The following RBFOX1 variants were observed in gnomAD, a reference collection of about 807,000 sequenced individuals.
RBFOX1 encodes the protein RNA binding protein fox-1 homolog 1.
A neutral mutation model predicts 57.7 loss-of-function variants in RBFOX1; 8 were observed. That is an observed-to-expected ratio of 0.14 (90% confidence interval 0.08 to 0.25). The LOEUF (loss-of-function observed/expected upper bound fraction) is 0.25, where lower values mean the gene tolerates loss of function less well. RBFOX1 is among the 10% of genes least tolerant of loss of function. RBFOX1 has a pLI of 1.00. For missense variants in RBFOX1, 611 were observed against 548.5 expected (o/e 1.11, Z -1.14); for synonymous variants, 326 against 222.4 (o/e 1.47, Z -4.15).
rs184802869 is a variant in RBFOX1, at chr16:5,351,007, A to G, written c.219+110902A>G. On this transcript the variant is annotated intron_variant, in intron 1 of 2. Transcript: ENST00000585867. ...TTAGCTACTCTCAGTGTTTGTGCTG[A>G]AGGCAATCGTTCACCCACCCACGAA... Among the ~76,000 whole-genome samples, 297 of 152,236 alleles carry G rather than the reference A, an allele frequency of 2.0e-3. 4 individuals carry two copies. In the Middle Eastern group the frequency reaches 0.02, roughly 10 times the overall value.
At chr16:6,805,323 G>T (rs144587310) in intron 3 of RBFOX1, among the ~76,000 whole-genome samples, 1 of 152,318 alleles carries the variant, frequency 6.6e-6, no homozygotes, top group African/African-American at 2.4e-5. Context: ...TCACTTACAA[G>T]TGGGAATTCA....
intron 4 of RBFOX1, among the ~76,000 whole-genome samples, chr16:5,927,295 G>A (rs2058958256): frequency 6.6e-6 from 1 of 152,158 alleles, no homozygotes; most frequent in Non-Finnish European, 1.5e-5. Flanking sequence ...ATATGTGTGT[G>A]GCAAACAGAC....
chr16:6,759,291 C>T (rs577527903), intron 3 of RBFOX1, among the ~76,000 whole-genome samples: 2 of 152,212 alleles, frequency 1.3e-5, no homozygotes, highest in South Asian at 2.1e-4. Flanking sequence ...GCTGGGATTA[C>T]AGGTGCATGG....
chr16:7,182,476 G>C (rs970438130), intron 4 of RBFOX1, among the ~76,000 whole-genome samples: 8 of 152,038 alleles, frequency 5.3e-5, no homozygotes, highest in Non-Finnish European at 1.2e-4. Flanking sequence ...GTCTGTTCTT[G>C]TTTTCCTTGT....
In RBFOX1 at chr16:6,864,842, C is replaced by CT. The variant is rs543296035; in HGVS notation, c.-15-187208dup. ...TGGGTATTTTGTTGAGGCCATTTCC[C>CT]TTTTTTTATCTGAGGTCATGTGAAT... On this transcript the variant is annotated intron_variant, in intron 3 of 15. Transcript: ENST00000550418. Among the ~76,000 whole-genome samples, 273 of 151,950 alleles carry CT rather than the reference C, an allele frequency of 1.8e-3. 1 individual carries two copies. Among genetic ancestry groups the CT allele is most frequent in the African/African-American group, 5.8e-3 (239 of 41,450 alleles).
intron 3 of RBFOX1, among the ~76,000 whole-genome samples, chr16:6,963,474 G>C (rs939547304): frequency 1.3e-5 from 2 of 152,116 alleles, no homozygotes; most frequent in African/African-American, 4.8e-5. Context: ...CTGAACCACT[G>C]GTCAGTAATG....
chr16:6,550,817 G>A (rs1599585851), intron 2 of RBFOX1, among the ~76,000 whole-genome samples: 3 of 152,280 alleles, frequency 2.0e-5, no homozygotes, highest in Admixed American at 6.5e-5. Context: ...TCTTGCTTCG[G>A]CACTTCACAT....
chr16:6,929,876 A>C (rs1051876471), intron 3 of RBFOX1, among the ~76,000 whole-genome samples: 26 of 152,200 alleles, frequency 1.7e-4, no homozygotes, highest in African/African-American at 6.0e-4. Context: ...TTTAAAAAAC[A>C]CTGCTTTAGC....
chr16:7,282,421 G>T (rs1239386309), intron 4 of RBFOX1, among the ~76,000 whole-genome samples: 2 of 152,134 alleles, frequency 1.3e-5, no homozygotes, highest in Admixed American at 6.5e-5. Context: ...AGAATCAAAA[G>T]ATATTTCACA....
At chr16:5,767,574 C>T (rs1448469652) in intron 3 of RBFOX1, among the ~76,000 whole-genome samples, 2 of 152,200 alleles carry the variant, frequency 1.3e-5, no homozygotes, top group Non-Finnish European at 2.9e-5. Flanking sequence ...TCCAAGCTCA[C>T]ACACATCTCC....
intron 4 of RBFOX1, among the ~76,000 whole-genome samples, chr16:7,079,687 A>G (rs115689221): frequency 6.6e-6 from 1 of 152,122 alleles, no homozygotes; most frequent in Non-Finnish European, 1.5e-5. Context: ...ATTTTCCTGC[A>G]TGGCAAATGG....
At chr16:6,575,051 A>T (rs1226052259) in intron 2 of RBFOX1, among the ~76,000 whole-genome samples, 2 of 151,120 alleles carry the variant, frequency 1.3e-5, no homozygotes, top group African/African-American at 4.8e-5. Context: ...TAAAAAAAAA[A>T]AAAAAAAAAA....
intron 1 of RBFOX1, among the ~76,000 whole-genome samples, chr16:5,265,493 T>C (rs971006712): frequency 1.3e-5 from 2 of 152,232 alleles, no homozygotes; most frequent in African/African-American, 4.8e-5. Flanking sequence ...GAATTGGATT[T>C]AGTGTGACTG....
intron 3 of RBFOX1, among the ~76,000 whole-genome samples, chr16:6,842,291 A>G (rs950346346): frequency 1.3e-5 from 2 of 150,702 alleles, no homozygotes; most frequent in African/African-American, 2.4e-5. Flanking sequence ...AATAAAAACA[A>G]CTTTCTTAAT....
chr16:6,656,597 T>TAC (rs1430032609), intron 3 of RBFOX1, among the ~76,000 whole-genome samples: 1 of 87,752 alleles, frequency 1.1e-5, no homozygotes, highest in South Asian at 3.7e-4. Context: ...AAGGGGAAAA[T>TAC]AGACACACAC....
chr16:6,006,310 G>T (rs76532590), intron 4 of RBFOX1, among the ~76,000 whole-genome samples: 2 of 151,950 alleles, frequency 1.3e-5, no homozygotes, highest in African/African-American at 2.4e-5. Context: ...GTTCAGCCCC[G>T]GGTATGTGAT....
intron 4 of RBFOX1, chr16:7,304,355 CA>C (rs1568119446): frequency 1.0e-6 from 1 of 985,376 alleles, no homozygotes; most frequent in Non-Finnish European, 1.2e-6. Context: ...CAAGCGTCCC[CA>C]CTCGGGCTCG....
chr16:6,720,691 G>C (rs544989497), intron 3 of RBFOX1, among the ~76,000 whole-genome samples: 1 of 152,312 alleles, frequency 6.6e-6, no homozygotes, highest in African/African-American at 2.4e-5. Context: ...GAGCTAGAGA[G>C]ACCAGGGTGG....
chr16:7,090,200 A>C (rs1040145816), intron 4 of RBFOX1, among the ~76,000 whole-genome samples: 10 of 152,302 alleles, frequency 6.6e-5, no homozygotes, highest in African/African-American at 2.4e-4. Flanking sequence ...CATGGATATA[A>C]AAGTGAAAAT....
Sources: gnomAD v4.1 joint callset for allele counts (sites outside exome capture counted in the v4.1 genomes callset) on GRCh38, gnomAD v4.1.1 for gene constraint, MANE v1.5 for transcripts, NCBI Gene and HGNC (gene_info 2026-07-23, HGNC 2026-07-21) for gene names.